The following CENPF variants were observed in gnomAD, a reference collection of about 807,000 sequenced individuals.
CENPF encodes the protein AH antigen.
CENPF carries 214 observed loss-of-function variants against 307.3 expected under a neutral mutation model. The ratio of observed to expected loss-of-function variants is 0.70; its 90% CI spans 0.62 to 0.78. The LOEUF is 0.78. Ranked by LOEUF, CENPF falls within the 30% of genes least tolerant of loss-of-function variation. The pLI is 0.00. For missense variants in CENPF, 3,401 were observed against 3,483.9 expected, an observed-to-expected ratio of 0.98 and a Z score of 0.60; for synonymous variants, 1,259 against 1,270.6, an observed-to-expected ratio of 0.99 and a Z score of 0.19.
rs1658167193 is a variant in CENPF, at chr1:214,642,845, A to G, written c.4507A>G (p.Thr1503Ala). The G allele has an allele frequency of 6.2e-7, 1 of 1,613,984 alleles. No homozygotes were observed. Among genetic ancestry groups the G allele is most frequent in the Non-Finnish European group, 8.5e-7 (1 of 1,180,014 alleles). Residue 1503 changes from threonine to alanine, a missense_variant, in exon 12 of 20, where the codon ACA (threonine) becomes GCA (alanine). Coordinates refer to ENST00000366955, the MANE Select transcript of CENPF (RefSeq NM_016343.4). ...SSFYRALLEQ[T>A]GDMSLLSNLE... is the part of the protein sequence containing the mutation. The stretch of plus-strand genomic sequence containing the variant: ...CTTTTACAGAGCTCTTTTAGAACAG[A>G]CAGGAGATATGTCTCTTTTGAGTAA...
At position 214,659,399 on chromosome 1, in the gene CENPF, C is replaced by T. The variant is rs545194163; in HGVS notation, c.9141+371C>T. On this transcript the variant is annotated intron_variant, in intron 19 of 19. Coordinates refer to ENST00000366955, the MANE Select transcript of CENPF (RefSeq NM_016343.4). The surrounding 1 kb of genome is among the most constrained non-coding windows in gnomAD (Gnocchi z 4.4). ...TTCAAACTTTACTCTCACTTATCTGCCCCCAGCTGCTAATTCTTTATTGTT... is the reference window on the plus strand; with the variant it reads ...TTCAAACTTTACTCTCACTTATCTGTCCCCAGCTGCTAATTCTTTATTGTT... Among the ~76,000 whole-genome samples, 1 of 152,010 alleles carries T rather than the reference C, an allele frequency of 6.6e-6. No individual in the cohort carries two copies. The highest frequency in any genetic ancestry group is 2.1e-4 in the South Asian group (1 of 4,810).
At chr1:214,612,232 G>A (rs139358096) in intron 1 of CENPF, among the ~76,000 whole-genome samples, 190 of 152,242 alleles carry the variant, frequency 1.2e-3, no homozygotes, top group African/African-American at 4.4e-3. Context: ...AGATAATCAT[G>A]TCATTTTTGT....
intron 16 of CENPF, among the ~76,000 whole-genome samples, chr1:214,654,929 C>T (rs575392011): frequency 1.3e-5 from 2 of 152,258 alleles, no homozygotes; most frequent in South Asian, 4.1e-4. Context: ...TGTTCGTTGT[C>T]TCCCTGTCCA....
rs757152620 is a variant in CENPF at position 214,619,236 on chromosome 1, G to T, written c.573+16G>T. The stretch of plus-strand genomic sequence containing the variant: ...GCAGGCTAAAGTAAGTTAATTATGG[G>T]CCCTATAATAGAGTATGCAGTTATA... On this transcript the variant is annotated intron_variant, in intron 5 of 19. Coordinates refer to ENST00000366955, the MANE Select transcript of CENPF (RefSeq NM_016343.4). 1.8e-5 allele frequency: 22 copies of T among 1,237,668 alleles called. No individual in the cohort carries two copies. The highest frequency in any genetic ancestry group is 2.6e-5 in the Non-Finnish European group (22 of 850,562). 76.7% of individuals were successfully genotyped at this position (1,237,668 alleles called of 1,614,324 possible).
chr1:214,648,770 G>C lies in CENPF; in HGVS notation c.7926G>C (p.Glu2642Asp), dbSNP rs888347566. The C allele has an allele frequency of 1.2e-6, 2 of 1,613,878 alleles. No homozygotes were observed. Among genetic ancestry groups the C allele is most frequent in the Admixed American group, 3.3e-5 (2 of 59,984 alleles). The change falls in exon 14 of 20, where the codon GAG becomes GAC. Residue 2642 changes from glutamate (E) to aspartate (D), a missense_variant. Transcript: ENST00000366955. ...AGCTGCAAGAAGAACTCAGTGGAGAGAAAAATAGGCTAGCTGGAGAGTTGC... is the reference window on the plus strand; with the variant it reads ...AGCTGCAAGAAGAACTCAGTGGAGACAAAAATAGGCTAGCTGGAGAGTTGC... ...TAELQEELSG[E>D]KNRLAGELQL...
chr1:214,628,917 C>G, intron 7 of CENPF, 129 bp from the exon 8 acceptor site: 1 of 652,178 alleles, frequency 1.5e-6, no homozygotes, highest in Non-Finnish European at 2.5e-6. Flanking sequence ...TGCTTTACAT[C>G]CTTGCTAATA....
At chr1:214,663,370 G>T (rs1166264490) in intron 19 of CENPF, among the ~76,000 whole-genome samples, 1 of 152,188 alleles carries the variant, frequency 6.6e-6, no homozygotes, top group Non-Finnish European at 1.5e-5. Flanking sequence ...GCCATCAGAG[G>T]TGCCAAGGGA....
At chr1:214,655,467 G>T (rs571184767) in intron 17 of CENPF, 64 bp downstream of exon 17, 2 of 1,387,048 alleles carry the variant, frequency 1.4e-6, no homozygotes, top group Non-Finnish European at 1.9e-6. Context: ...ATAACATATG[G>T]TATGCGTGCA....
At chr1:214,629,692 C>T (rs1370340969) in intron 8 of CENPF, among the ~76,000 whole-genome samples, 1 of 152,118 alleles carries the variant, frequency 6.6e-6, no homozygotes, top group East Asian at 1.9e-4. Flanking sequence ...GCTGGGATTA[C>T]AGGCATGCAC....
chr1:214,608,899 C>G, intron 1 of CENPF: 1 of 1,354,840 alleles, frequency 7.4e-7, no homozygotes, highest in Non-Finnish European at 9.4e-7. Flanking sequence ...GCCGCCCGGC[C>G]TGGCCCGGCA....
rs778662150 is a variant in CENPF at position 214,632,534 on chromosome 1, T to C, written c.1378T>C (p.Leu460=). 3.7e-6 allele frequency: 6 copies of C among 1,614,070 alleles called. No individual in the cohort carries two copies. In the East Asian group the frequency reaches 1.3e-4, roughly 36 times the overall value. ...ENNLEEFKQK[L]CRAEQAFQAS... ...CAATTTGGAAGAGTTTAAGCAAAAG[T>C]TGTGCAGAGCTGAACAGGCGTTCCA... is the stretch of plus-strand genomic sequence containing the variant. The change falls in exon 10 of 20, where the codon TTG becomes CTG. Residue 460 remains leucine, a synonymous_variant. Coordinates refer to ENST00000366955, the MANE Select transcript of CENPF (RefSeq NM_016343.4).
At chr1:214,656,086 C>G (rs746108721) in intron 17 of CENPF, among the ~76,000 whole-genome samples, 4 of 152,154 alleles carry the variant, frequency 2.6e-5, no homozygotes, top group Non-Finnish European at 5.9e-5. Flanking sequence ...TCTGGTTATC[C>G]TCAGTCCATT....
At position 214,645,909 on chromosome 1, in the gene CENPF, A is replaced by G. The variant is rs1306181141; in HGVS notation, c.6339A>G (p.Glu2113=). ...TGAGGCTGAGCTCAACACAGGAGGA[A>G]GTGCATCAGCTGAGAAGAGGCATCG... ...FALRLSSTQE[E]VHQLRRGIEK... is the part of the protein sequence containing the mutation. Residue 2113 remains glutamate (E), a synonymous_variant, in exon 13 of 20, where the codon GAA becomes GAG. Transcript: ENST00000366955. 1 of 1,614,022 alleles carries G rather than the reference A, an allele frequency of 6.2e-7. No individual in the cohort carries two copies. The highest frequency in any genetic ancestry group is 8.5e-7 in the Non-Finnish European group (1 of 1,180,030).
At chr1:214,631,452 A>G (rs927585065) in intron 9 of CENPF, among the ~76,000 whole-genome samples, 1 of 152,186 alleles carries the variant, frequency 6.6e-6, no homozygotes, top group African/African-American at 2.4e-5. Flanking sequence ...TTATAGCCTA[A>G]AGAACATATG....
intron 1 of CENPF, chr1:214,603,592 G>A (rs1197770285): frequency 6.6e-6 from 1 of 152,190 alleles, no homozygotes; most frequent in African/African-American, 2.4e-5. Context: ...ACTCGGTCAC[G>A]GACTCACACT....
intron 1 of CENPF, chr1:214,608,832 C>T (rs1339372729): frequency 5.0e-6 from 8 of 1,591,482 alleles, no homozygotes; most frequent in Non-Finnish European, 6.8e-6. Flanking sequence ...TCAGCGACAG[C>T]CCGTTCATGG....
In CENPF at chr1:214,647,407, G is replaced by T; in HGVS notation, c.7830+7G>T. ...AATGTCCTTTGTTGAAAAAGTAAGT[G>T]GCTATATCTGTTTATGTTTAAATAT... is the stretch of plus-strand genomic sequence containing the variant. On this transcript the variant is annotated splice_region_variant and intron_variant, in intron 13 of 19. Transcript: ENST00000366955. 1 of 1,595,344 alleles carries T rather than the reference G, an allele frequency of 6.3e-7. No homozygotes were observed.
At chr1:214,636,746 A>T (rs1399559929) in intron 10 of CENPF, among the ~76,000 whole-genome samples, 4 of 152,178 alleles carry the variant, frequency 2.6e-5, no homozygotes, top group African/African-American at 9.6e-5. Context: ...TGTTTCTTTA[A>T]GATTCAGAAT....
Position 214,642,128 on chromosome 1 carries a change from T to G in CENPF, c.3790T>G (p.Cys1264Gly), listed in dbSNP as rs1284384817. ...QSQEISGLKD[C>G]EIDAEEKYIS... ...ACAAGAAATTAGTGGCCTTAAAGAC[T>G]GTGAAATAGATGCGGAAGAAAAGTA... is the stretch of plus-strand genomic sequence containing the variant. Residue 1264 changes from cysteine to glycine, a missense_variant, in exon 12 of 20, where the codon TGT (cysteine) becomes GGT (glycine). Cys to Gly is a radical substitution (Grantham distance 159, BLOSUM62 -3). Coordinates refer to ENST00000366955, the MANE Select transcript of CENPF (RefSeq NM_016343.4). 6.2e-7 allele frequency: 1 copy of G among 1,613,736 alleles called. No individual in the cohort carries two copies. Among genetic ancestry groups the G allele is most frequent in the South Asian group, 1.1e-5 (1 of 90,962 alleles).
Sources: gnomAD v4.1 joint callset for allele counts (sites outside exome capture counted in the v4.1 genomes callset) on GRCh38, gnomAD v4.1.1 for gene constraint, Gnocchi (gnomAD v3.1) non-coding constraint, MANE v1.5 for transcripts, NCBI Gene and HGNC (gene_info 2026-07-23, HGNC 2026-07-21) for gene names.